CTBP2: variants seen among roughly 807,000 people sequenced by gnomAD.
The protein encoded by CTBP2 is C-terminal binding protein 2.
In CTBP2, 30 loss-of-function variants were observed where a neutral mutation model predicts 80.3. The observed-to-expected ratio is 0.37, with a 90% confidence interval of 0.28 to 0.51. The LOEUF (loss-of-function observed/expected upper bound fraction) is 0.51, where lower values mean the gene tolerates loss of function less well. Ranked by LOEUF, CTBP2 falls within the 20% of genes least tolerant of loss-of-function variation. The pLI, the probability that CTBP2 is intolerant of heterozygous loss-of-function variation, is 0.93. For missense variants in CTBP2, 1,212 were observed against 1,375.3 expected, an observed-to-expected ratio of 0.88 and a Z score of 1.88; for synonymous variants, 594 against 587.4, an observed-to-expected ratio of 1.01 and a Z score of -0.16.
chr10:125,054,622 A>G (rs1003799478), intron 2 of CTBP2, among the ~76,000 whole-genome samples: 3 of 152,206 alleles, frequency 2.0e-5, no homozygotes, highest in African/African-American at 7.2e-5. Context: ...TTACATTTTG[A>G]GGTAATTTGT....
intron 1 of CTBP2, chr10:125,005,779 C>A (rs770273923): frequency 4.3e-6 from 7 of 1,612,644 alleles, no homozygotes; most frequent in Non-Finnish European, 5.9e-6. Context: ...GAGCGCACAA[C>A]CCTGTGGGGC....
intron 1 of CTBP2, among the ~76,000 whole-genome samples, chr10:125,152,082 G>A (rs996241667): frequency 1.5e-5 from 2 of 136,002 alleles, no homozygotes; most frequent in African/African-American, 5.3e-5. Flanking sequence ...AGTGCCCTGC[G>A]GGGGGAAGAG....
At chr10:125,136,338 T>A (rs898371759) in intron 1 of CTBP2, among the ~76,000 whole-genome samples, 3 of 152,130 alleles carry the variant, frequency 2.0e-5, no homozygotes, top group African/African-American at 7.2e-5. Context: ...CCCAGACACA[T>A]CCCCCTGTCT....
intron 1 of CTBP2, among the ~76,000 whole-genome samples, chr10:125,017,408 C>T (rs1260875034): frequency 1.3e-5 from 2 of 152,148 alleles, no homozygotes; most frequent in Non-Finnish European, 2.9e-5. Flanking sequence ...GATCAGTTTC[C>T]CTCTTTCTTT....
chr10:125,026,042 C>A, intron 1 of CTBP2: 6 of 1,533,712 alleles, frequency 3.9e-6, no homozygotes, highest in Non-Finnish European at 5.3e-6. Flanking sequence ...CCCTGCTCCC[C>A]CCAGGTCCCC....
At position 125,151,673 on chromosome 10, in the gene CTBP2, G is replaced by A. The variant is rs537163136; in HGVS notation, c.-206+8646C>T. Among the ~76,000 whole-genome samples, 11 of 152,368 alleles carry A rather than the reference G, an allele frequency of 7.2e-5. No homozygotes were observed. The South Asian group carries it at 2.1e-3, about 29-fold the overall frequency. On this transcript the variant is annotated intron_variant, in intron 1 of 10. Coordinates refer to the CTBP2 transcript ENST00000337195. ...GAGTCCGCGACCGCTGCGGGGTGGA[G>A]GCGGCTCTGGCCTGGTGCAACCAGG...
intron 2 of CTBP2, among the ~76,000 whole-genome samples, chr10:125,089,465 G>C (rs936898193): frequency 6.6e-6 from 1 of 152,176 alleles, no homozygotes; most frequent in Non-Finnish European, 1.5e-5. Flanking sequence ...GGTCAACCTG[G>C]AGCTATTAAA....
At chr10:125,094,895 A>G (rs149991759) in intron 2 of CTBP2, among the ~76,000 whole-genome samples, 2 of 151,950 alleles carry the variant, frequency 1.3e-5, no homozygotes, top group East Asian at 3.9e-4. Flanking sequence ...CATAGGACAT[A>G]AGCAATACGC....
chr10:124,990,882 G>A (rs1303410380), intron 8 of CTBP2, among the ~76,000 whole-genome samples: 1 of 152,246 alleles, frequency 6.6e-6, no homozygotes, highest in African/African-American at 2.4e-5. Flanking sequence ...ACCTGACCAT[G>A]CTGGCAGCCT....
chr10:125,092,031 T>C (rs972426866), intron 2 of CTBP2, among the ~76,000 whole-genome samples: 6 of 152,210 alleles, frequency 3.9e-5, no homozygotes, highest in Non-Finnish European at 7.3e-5. Context: ...TTAGCTGTTT[T>C]CCCACTGTTG....
In CTBP2 at chr10:125,027,351, G is replaced by A; in HGVS notation, c.409C>T (p.Pro137Ser). ...CTGCTGCCAAGCACTCCGTAGCTGGGGACCGGCCGGCTGACTCCTGGGTCC... is the reference window on the plus strand; with the variant it reads ...CTGCTGCCAAGCACTCCGTAGCTGGAGACCGGCCGGCTGACTCCTGGGTCC... The change falls in exon 1 of 9, where the codon CCC becomes TCC. Residue 137 changes from proline (P) to serine (S), a missense_variant. Physicochemically the swap from Pro to Ser is moderately conservative, Grantham distance 74. This residue lies in a region of CTBP2 where 848 missense variants were observed against 782.3 expected (regional missense o/e 1.08). Coordinates refer to ENST00000309035, the MANE Select transcript of CTBP2 (RefSeq NM_022802.3). 1 of 1,613,620 alleles carries A rather than the reference G, an allele frequency of 6.2e-7. No homozygotes were observed. The highest frequency in any genetic ancestry group is 8.5e-7 in the Non-Finnish European group (1 of 1,179,992).
intron 1 of CTBP2, among the ~76,000 whole-genome samples, chr10:125,008,270 C>T (rs1203284766): frequency 6.6e-6 from 1 of 152,120 alleles, no homozygotes; most frequent in Non-Finnish European, 1.5e-5. Flanking sequence ...TTTTTTAAAA[C>T]GCACTAGATT....
At chr10:125,120,566 C>T (rs1452226243) in intron 1 of CTBP2, among the ~76,000 whole-genome samples, 1 of 152,124 alleles carries the variant, frequency 6.6e-6, no homozygotes, top group Non-Finnish European at 1.5e-5. Context: ...TTTCTATTTT[C>T]TGCAGAGACA....
At chr10:125,060,726 G>A (rs567017905) in intron 2 of CTBP2, among the ~76,000 whole-genome samples, 13 of 152,228 alleles carry the variant, frequency 8.5e-5, no homozygotes, top group Middle Eastern at 3.2e-3. Flanking sequence ...GCCAAGAGGA[G>A]AGATTGCAGA....
intron 5 of CTBP2, 140 bp downstream of exon 7, chr10:124,994,329 C>T (rs563091545): frequency 1.5e-5 from 13 of 858,940 alleles, no homozygotes; most frequent in Admixed American, 4.5e-5. Context: ...TGGCTTGTCA[C>T]TGGTTTGTTG....
intron 3 of CTBP2, among the ~76,000 whole-genome samples, chr10:125,033,587 G>A (rs1294707472): frequency 6.6e-6 from 1 of 152,212 alleles, no homozygotes; most frequent in Non-Finnish European, 1.5e-5. Flanking sequence ...GCGCGCAGAA[G>A]GTTCTCCGCA....
intron 1 of CTBP2, among the ~76,000 whole-genome samples, chr10:125,020,733 C>A (rs183488434): frequency 5.3e-5 from 8 of 152,212 alleles, no homozygotes; most frequent in African/African-American, 1.9e-4. Context: ...CAGCCTGTTA[C>A]GCACAAGGCC....
At chr10:125,145,964 C>T (rs1266617358) in intron 1 of CTBP2, among the ~76,000 whole-genome samples, 1 of 151,766 alleles carries the variant, frequency 6.6e-6, no homozygotes, top group Non-Finnish European at 1.5e-5. Flanking sequence ...GCTTTTGTTG[C>T]CCACGCTGGA....
intron 1 of CTBP2, among the ~76,000 whole-genome samples, chr10:125,006,423 T>C (rs1406990297): frequency 1.3e-5 from 2 of 152,122 alleles, no homozygotes; most frequent in Admixed American, 6.5e-5. Flanking sequence ...ATGCCAAGGT[T>C]TGCTCTAGAA....
Sources: gnomAD v4.1 joint callset for allele counts (sites outside exome capture counted in the v4.1 genomes callset) on GRCh38, gnomAD v4.1.1 for gene constraint, gnomAD v4.1.1 regional missense constraint, MANE v1.5 for transcripts, NCBI Gene and HGNC (gene_info 2026-07-23, HGNC 2026-07-21) for gene names.